LIPA: variants seen among roughly 807,000 people sequenced by gnomAD.
LIPA encodes lysosomal acid lipase/cholesteryl ester hydrolase.
Under a neutral mutation model 40.6 loss-of-function variants are expected in LIPA, and 26 were observed. The ratio of observed to expected loss-of-function variants is 0.64; its 90% CI spans 0.47 to 0.89. LIPA has a LOEUF of 0.89. Among genes scored for constraint, LIPA ranks in the 40% least tolerant of loss-of-function variants. The pLI, the probability that LIPA is intolerant of heterozygous loss-of-function variation, is 0.00. For missense variants in LIPA, 455 were observed against 479.6 expected (o/e 0.95, Z 0.48); for synonymous variants, 188 against 168.4 (o/e 1.12, Z -0.90).
At chr10:89,221,619 A>G (rs942306663) in intron 8 of LIPA, among the ~76,000 whole-genome samples, 14 of 152,208 alleles carry the variant, frequency 9.2e-5, no homozygotes, top group Non-Finnish European at 1.5e-5. Flanking sequence ...TAGGGCTTAA[A>G]TGGTGAGTTG....
At chr10:89,345,111 G>T (rs552166452), upstream of LIPA, among the ~76,000 whole-genome samples, 3 of 151,596 alleles carry the variant, frequency 2.0e-5, no homozygotes, top group Admixed American at 6.6e-5. Context: ...AGGTTGCAGT[G>T]AGCCGAGATC....
intron 2 of LIPA, among the ~76,000 whole-genome samples, chr10:89,395,559 A>T (rs1844330065): frequency 6.6e-6 from 1 of 152,144 alleles, no homozygotes; most frequent in Non-Finnish European, 1.5e-5. Context: ...TTTCCGAGAG[A>T]GTGGCTGTCT....
chr10:89,391,258 G>C (rs997144822), intron 2 of LIPA, among the ~76,000 whole-genome samples: 1 of 152,202 alleles, frequency 6.6e-6, no homozygotes, highest in African/African-American at 2.4e-5. Context: ...CTGTTGCCCA[G>C]GCTGGAGTGC....
At chr10:89,231,511 C>A (rs749172554) in intron 3 of LIPA, among the ~76,000 whole-genome samples, 4 of 151,588 alleles carry the variant, frequency 2.6e-5, no homozygotes, top group Admixed American at 6.6e-5. Context: ...AGGTCTCATT[C>A]TATCACCTAG....
At chr10:89,395,939 A>G (rs1455808615) in intron 2 of LIPA, among the ~76,000 whole-genome samples, 1 of 152,198 alleles carries the variant, frequency 6.6e-6, no homozygotes, top group Non-Finnish European at 1.5e-5. Flanking sequence ...TGGCTACATA[A>G]TATTCCACTT....
intron 3 of LIPA, among the ~76,000 whole-genome samples, chr10:89,235,974 AT>A (rs1256333050): frequency 6.6e-6 from 1 of 152,066 alleles, no homozygotes; most frequent in African/African-American, 2.4e-5. Context: ...TCATACATGG[AT>A]TTTTTTTCAA....
chr10:89,328,089 TAAG>T lies in LIPA; in HGVS notation c.-2+14519_-2+14521del, dbSNP rs747236762. ...GAGGGCAGTCATGAGGTCAGTGAAA[TAAG>T]AATGCATAATCATGCTTGTTTTTGA... On this transcript the variant is annotated intron_variant, in intron 1 of 5. Transcript: ENST00000282673. 7.4e-6 allele frequency: 12 copies of T among 1,613,406 alleles called. No individual in the cohort carries two copies. The African/African-American group carries it at 1.5e-4, about 20-fold the overall frequency.
chr10:89,247,619 GACC>G lies in LIPA; in HGVS notation c.27_29del (p.Val10del). On this transcript the variant is annotated inframe_deletion, in exon 2 of 10. Transcript: ENST00000336233. ...AATGCAGGGTCCAGAGAACCAAACA[GACC>G]ACCAACCCCAAGAACCGCATTTTCA... The G allele has an allele frequency of 6.2e-7, 1 of 1,612,708 alleles. No homozygotes were observed. Among genetic ancestry groups the G allele is most frequent in the Non-Finnish European group, 8.5e-7 (1 of 1,178,968 alleles).
rs1256285569 is a variant in LIPA, at chr10:89,234,279, A to G, written c.230-5881T>C. Among the ~76,000 whole-genome samples, 5 of 152,322 alleles carry G rather than the reference A, an allele frequency of 3.3e-5. No homozygotes were observed. In the East Asian group the frequency reaches 9.7e-4, roughly 29 times the overall value. Reference sequence around the variant, plus strand: ...AGCCAGGCTGGGGAACCACTAGGAAAAGTCCAGTGCCTTGTCTGACCTGGG... The same window carrying G: ...AGCCAGGCTGGGGAACCACTAGGAAGAGTCCAGTGCCTTGTCTGACCTGGG... On this transcript the variant is annotated intron_variant, in intron 3 of 9. Coordinates refer to ENST00000336233, the MANE Select transcript of LIPA (RefSeq NM_000235.4).
At chr10:89,291,734 T>A (rs2133508444) in intron 1 of LIPA, among the ~76,000 whole-genome samples, 1 of 152,288 alleles carries the variant, frequency 6.6e-6, no homozygotes, top group East Asian at 1.9e-4. Context: ...TACATGGTTA[T>A]TTAGGGCCAG....
Position 89,223,834 on chromosome 10 carries a change from C to T in LIPA, c.676-4G>A. ...ATTCTTTGTCTCCAAATAAGTCCTA[C>T]AAAATAAAAAGAAACCCAAGAACAT... On this transcript the variant is annotated splice_polypyrimidine_tract_variant and splice_region_variant and intron_variant, in intron 6 of 9. Transcript: ENST00000336233. The T allele has an allele frequency of 6.2e-7, 1 of 1,614,002 alleles. No homozygotes were observed. Among genetic ancestry groups the T allele is most frequent in the Non-Finnish European group, 8.5e-7 (1 of 1,179,926 alleles).
chr10:89,339,452 G>A lies in LIPA; in HGVS notation c.-2+3159C>T, dbSNP rs950679345. The A allele has an allele frequency of 1.2e-5, 20 of 1,613,976 alleles. No homozygotes were observed. Among genetic ancestry groups the A allele is most frequent in the Middle Eastern group, 1.6e-4 (1 of 6,084 alleles). ...GACAAAGCTATTGAACTGTTTCAAC[G>A]GGTGTTGGAATCCACACCAAACAAT... is the stretch of plus-strand genomic sequence containing the variant. On this transcript the variant is annotated intron_variant, in intron 1 of 5. Coordinates refer to the LIPA transcript ENST00000282673.
At chr10:89,303,668 G>A (rs1843460012) in intron 1 of LIPA, among the ~76,000 whole-genome samples, 2 of 152,254 alleles carry the variant, frequency 1.3e-5, no homozygotes, top group South Asian at 4.1e-4. Flanking sequence ...TCCTGCAAAT[G>A]CACAATAGAC....
intron 1 of LIPA, among the ~76,000 whole-genome samples, chr10:89,272,300 C>T (rs539101089): frequency 6.6e-6 from 1 of 152,194 alleles, no homozygotes; most frequent in African/African-American, 2.4e-5. Flanking sequence ...TCTATGTGTC[C>T]ATGTGTTCTC....
chr10:89,278,887 C>T (rs1334297796), intron 1 of LIPA, among the ~76,000 whole-genome samples: 1 of 151,324 alleles, frequency 6.6e-6, no homozygotes, highest in African/African-American at 2.4e-5. Flanking sequence ...TGTACATGGT[C>T]TAAATATATT....
At chr10:89,327,481 GC>G (rs1343038956) in intron 1 of LIPA, among the ~76,000 whole-genome samples, 1 of 152,078 alleles carries the variant, frequency 6.6e-6, no homozygotes, top group Non-Finnish European at 1.5e-5. Flanking sequence ...AACCCAGGAG[GC>G]AGAGGTTGCA....
chr10:89,352,329 CAAG>C (rs544627315), intron 2 of LIPA, among the ~76,000 whole-genome samples: 61 of 152,300 alleles, frequency 4.0e-4, no homozygotes, highest in African/African-American at 6.7e-4. Context: ...CCTTTTGACA[CAAG>C]AAGGCCAAAA....
chr10:89,393,169 C>T, intron 2 of LIPA: 1 of 1,290,690 alleles, frequency 7.7e-7, no homozygotes, highest in Non-Finnish European at 1.0e-6. Context: ...CTTGCAGCCT[C>T]TCTGATGTCT....
Position 89,214,552 on chromosome 10 carries a change from G to A in LIPA, c.*276C>T, listed in dbSNP as rs1390330764. ...ATTTTAAAAACAGAATGGATATAAT[G>A]ACCTTTTTACACATCAGTGATATTT... On this transcript the variant is annotated 3_prime_UTR_variant, in exon 10 of 10. Coordinates refer to ENST00000336233, the MANE Select transcript of LIPA (RefSeq NM_000235.4). 3 of 329,036 alleles carry A rather than the reference G, an allele frequency of 9.1e-6. No homozygotes were observed. Among genetic ancestry groups the A allele is most frequent in the Non-Finnish European group, 1.7e-5 (3 of 177,046 alleles). The allele number at this position is 329,036 out of a possible 1,614,324, so 20.4% of individuals were successfully genotyped here.
Sources: gnomAD v4.1 joint callset for allele counts (sites outside exome capture counted in the v4.1 genomes callset) on GRCh38, gnomAD v4.1.1 for gene constraint, MANE v1.5 for transcripts, NCBI Gene and HGNC (gene_info 2026-07-23, HGNC 2026-07-21) for gene names.